Variants in IGF2BP1 observed in about 807,000 individuals in gnomAD.
The protein encoded by IGF2BP1 is insulin like growth factor 2 mRNA binding protein 1.
Under a neutral mutation model 74.9 loss-of-function variants are expected in IGF2BP1, and 11 were observed. That is an observed-to-expected ratio of 0.15 (90% CI 0.09 to 0.24). The LOEUF (loss-of-function observed/expected upper bound fraction) is 0.24, where lower values mean the gene tolerates loss of function less well. Ranked by LOEUF, IGF2BP1 falls within the 10% of genes least tolerant of loss-of-function variation. IGF2BP1 has a pLI of 1.00. For synonymous variants in IGF2BP1, 287 were observed against 281.8 expected (o/e 1.02, Z -0.18); for missense variants, 440 against 757.4 (o/e 0.58, Z 4.92).
chr17:49,028,411 C>T (rs1352975206), intron 4 of IGF2BP1, among the ~76,000 whole-genome samples: 1 of 152,194 alleles, frequency 6.6e-6, no homozygotes, highest in Non-Finnish European at 1.5e-5. Flanking sequence ...ATCTATCAAA[C>T]ACATTCTAAC....
intron 5 of IGF2BP1, 58 bp from the exon 6 acceptor site, chr17:49,038,110 G>A: frequency 1.5e-6 from 2 of 1,376,806 alleles, no homozygotes; most frequent in Admixed American, 2.9e-5. Context: ...GGCCAAGAGA[G>A]CATCTGGTAT....
At position 49,026,496 on chromosome 17, in the gene IGF2BP1, A is replaced by G; in HGVS notation, c.316A>G (p.Thr106Ala). 6 of 1,614,080 alleles carry G rather than the reference A, an allele frequency of 3.7e-6. No individual in the cohort carries two copies. Among genetic ancestry groups the G allele is most frequent in the Non-Finnish European group, 5.1e-6 (6 of 1,179,986 alleles). Reference sequence around the variant, plus strand: ...GGACAGCCTGCTGGCTCAGTATGGTACAGTAGAGAACTGTGAGCAAGGTAA... The same window carrying G: ...GGACAGCCTGCTGGCTCAGTATGGTGCAGTAGAGAACTGTGAGCAAGGTAA... ...VLDSLLAQYG[T>A]VENCEQVNTE... is the part of the protein sequence containing the mutation. The change falls in exon 4 of 15, where the codon ACA becomes GCA. Residue 106 changes from threonine (T) to alanine (A), a missense_variant. Thr to Ala is a moderately conservative substitution (Grantham distance 58). Around this residue, in one of 5 missense-constraint regions of IGF2BP1, gnomAD observed 105 missense variants for 199.4 expected, o/e 0.53. Coordinates refer to ENST00000290341, the MANE Select transcript of IGF2BP1 (RefSeq NM_006546.4).
At chr17:49,023,331 CCTT>C (rs1420563156) in intron 2 of IGF2BP1, among the ~76,000 whole-genome samples, 1 of 152,206 alleles carries the variant, frequency 6.6e-6, no homozygotes, top group Non-Finnish European at 1.5e-5. Context: ...ATGTTTATTT[CCTT>C]CTTTCCCCAT....
At chr17:49,020,590 G>T (rs781170930) in intron 2 of IGF2BP1, among the ~76,000 whole-genome samples, 3 of 152,034 alleles carry the variant, frequency 2.0e-5, no homozygotes, top group Non-Finnish European at 4.4e-5. Context: ...TGACATAAAA[G>T]GGACAAAAAG....
intron 8 of IGF2BP1, 56 bp from the exon 9 acceptor site, chr17:49,042,186 C>T: frequency 6.2e-7 from 1 of 1,610,562 alleles, no homozygotes; most frequent in Non-Finnish European, 8.5e-7. Context: ...TTTGTTACTG[C>T]CGGGGCCTGG....
intron 1 of IGF2BP1, 57 bp from the exon 2 acceptor site, chr17:48,999,052 T>G (rs2041448857): frequency 2.8e-6 from 3 of 1,080,822 alleles, no homozygotes; most frequent in Non-Finnish European, 4.3e-6. Context: ...CCCTTCCTCT[T>G]CCCACCCCCA....
chr17:49,040,966 G>T (rs2042045964), intron 7 of IGF2BP1, among the ~76,000 whole-genome samples: 1 of 152,114 alleles, frequency 6.6e-6, no homozygotes, highest in Admixed American at 6.6e-5. Flanking sequence ...CACTTTGGAG[G>T]CTAGGAGTTC....
At chr17:49,046,601 T>C (rs2042109980) in intron 14 of IGF2BP1, among the ~76,000 whole-genome samples, 1 of 151,102 alleles carries the variant, frequency 6.6e-6, no homozygotes, top group Non-Finnish European at 1.5e-5. Flanking sequence ...ACAAGTTTAA[T>C]GTACATATAT....
intron 2 of IGF2BP1, among the ~76,000 whole-genome samples, chr17:49,009,149 TC>T (rs1432830948): frequency 6.6e-6 from 1 of 151,934 alleles, no homozygotes; most frequent in African/African-American, 2.4e-5. Flanking sequence ...TGCCTCAGCC[TC>T]CCCGAGTAGC....
At position 49,051,879 on chromosome 17, in the gene IGF2BP1, C is replaced by G. The variant is rs2042171399; in HGVS notation, c.*2435C>G. On this transcript the variant is annotated 3_prime_UTR_variant, in exon 15 of 15. Transcript: ENST00000290341. ...TTCATTTCAGTTCCGTCTTGCTATT[C>G]TTCCTAATCTATATCCATAGATCTA... 1 of 150,626 alleles carries G rather than the reference C, an allele frequency of 6.6e-6. No individual in the cohort carries two copies. Among genetic ancestry groups the G allele is most frequent in the African/African-American group, 2.4e-5 (1 of 40,862 alleles). 9.3% of individuals were successfully genotyped at this position (150,626 alleles called of 1,614,324 possible). A position where few individuals can be genotyped will look rare whatever the true frequency, so the allele number is the denominator to read the frequency against.
At chr17:48,998,682 C>T (rs1325526573) in intron 1 of IGF2BP1, among the ~76,000 whole-genome samples, 1 of 151,940 alleles carries the variant, frequency 6.6e-6, no homozygotes, top group Non-Finnish European at 1.5e-5. Flanking sequence ...CAAAGCCCGT[C>T]TTCCTGGCCA....
chr17:49,043,638 C>T, intron 10 of IGF2BP1, 88 bp downstream of exon 10: 5 of 1,500,976 alleles, frequency 3.3e-6, no homozygotes, highest in Non-Finnish European at 4.5e-6. Flanking sequence ...GAGTTGGATG[C>T]TTGGCAAGTT....
At position 48,997,901 on chromosome 17, in the gene IGF2BP1, G is replaced by A. The variant is rs747691671; in HGVS notation, c.156G>A (p.Lys52=). 1.9e-6 allele frequency: 3 copies of A among 1,613,844 alleles called. No homozygotes were observed. The highest frequency in any genetic ancestry group is 1.3e-5 in the African/African-American group (1 of 75,038). The change falls in exon 1 of 15, where the codon AAG becomes AAA. Residue 52 remains lysine, a synonymous_variant. Transcript: ENST00000290341. The surrounding 1 kb of genome is among the most constrained non-coding windows in gnomAD (Gnocchi z 4.8). ...VDCPDEHWAM[K]AIETFSGKVE... ...GCCCGGACGAGCACTGGGCGATGAA[G>A]GCCATCGAAACTTTCTCCGGTAAGA...
chr17:49,013,139 A>T (rs536584811), intron 2 of IGF2BP1: 1 of 152,174 alleles, frequency 6.6e-6, no homozygotes, highest in Non-Finnish European at 1.5e-5. Context: ...GTACTTTGTG[A>T]ACTCTAAAGC....
chr17:48,996,837 GTT>G (rs1186042523), upstream of IGF2BP1, among the ~76,000 whole-genome samples: 2 of 152,122 alleles, frequency 1.3e-5, no homozygotes, highest in Non-Finnish European at 2.9e-5. Flanking sequence ...AGGCGGGGGA[GTT>G]TCGTGGGGCT....
intron 2 of IGF2BP1, among the ~76,000 whole-genome samples, chr17:49,024,083 ATTTTTTTTTTTTT>A (rs765273098): frequency 1.3e-4 from 10 of 78,104 alleles, no homozygotes; most frequent in East Asian, 7.0e-4. Context: ...CACCCTGCTA[ATTTTTTTTTTTTT>A]TTTTTTTTTT....
At chr17:49,027,028 A>C (rs1233763897) in intron 4 of IGF2BP1, among the ~76,000 whole-genome samples, 1 of 152,224 alleles carries the variant, frequency 6.6e-6, no homozygotes, top group East Asian at 1.9e-4. Flanking sequence ...GGCGTGAGCC[A>C]TTGCGCCCGG....
chr17:49,021,104 C>G (rs1489702921), intron 2 of IGF2BP1, among the ~76,000 whole-genome samples: 3 of 151,792 alleles, frequency 2.0e-5, no homozygotes, highest in African/African-American at 7.3e-5. Flanking sequence ...GGTCTCACCA[C>G]TGCACTCCAG....
intron 5 of IGF2BP1, chr17:49,037,427 G>T: frequency 4.9e-6 from 2 of 407,380 alleles, no homozygotes; most frequent in Admixed American, 3.6e-5. Context: ...CTTCCCATAA[G>T]CCTGTAGGCA....
Sources: gnomAD v4.1 joint callset for allele counts (sites outside exome capture counted in the v4.1 genomes callset) on GRCh38, gnomAD v4.1.1 for gene constraint, gnomAD v4.1.1 regional missense constraint, Gnocchi (gnomAD v3.1) non-coding constraint, MANE v1.5 for transcripts, NCBI Gene and HGNC (gene_info 2026-07-23, HGNC 2026-07-21) for gene names.